Variants in PHLPP1 observed in about 807,000 individuals in gnomAD.
The protein encoded by PHLPP1 is PH domain and leucine rich repeat protein phosphatase 1.
Under a neutral mutation model 117.2 loss-of-function variants are expected in PHLPP1, and 42 were observed. That is an observed-to-expected ratio of 0.36 (90% CI 0.28 to 0.46). The LOEUF is 0.46. Ranked by LOEUF, PHLPP1 falls within the 20% of genes least tolerant of loss-of-function variation. The probability of loss-of-function intolerance (pLI) is 1.00; values close to 1 mark genes in which losing one functional copy is unlikely to be tolerated. For synonymous variants in PHLPP1, 1,042 were observed against 970.7 expected, an observed-to-expected ratio of 1.07 and a Z score of -1.37; for missense variants, 2,084 against 2,241.9, an observed-to-expected ratio of 0.93 and a Z score of 1.42.
At position 62,979,476 on chromosome 18, in the gene PHLPP1, G is replaced by C. The variant is rs1274677075; in HGVS notation, c.*45G>C. 2.0e-6 allele frequency: 3 copies of C among 1,527,988 alleles called. No homozygotes were observed. In the African/African-American group the frequency reaches 4.1e-5, roughly 21 times the overall value. The allele number at this position is 1,527,988 out of a possible 1,614,324, so 94.7% of individuals were successfully genotyped here. On this transcript the variant is annotated 3_prime_UTR_variant, in exon 17 of 17. Coordinates refer to ENST00000262719, the MANE Select transcript of PHLPP1 (RefSeq NM_194449.4). ...AAATAAACTAACCACAAAAGACTGAGTTGCAAGAGTCTCCCAGGCTCACAT... is the reference window on the plus strand; with the variant it reads ...AAATAAACTAACCACAAAAGACTGACTTGCAAGAGTCTCCCAGGCTCACAT...
At chr18:62,833,886 A>T (rs1024140348) in intron 2 of PHLPP1, among the ~76,000 whole-genome samples, 2 of 152,310 alleles carry the variant, frequency 1.3e-5, no homozygotes, top group East Asian at 3.9e-4. Flanking sequence ...GTATGCAAGT[A>T]CCTTTTCTAA....
chr18:62,750,673 A>G (rs1263001176), intron 1 of PHLPP1, among the ~76,000 whole-genome samples: 1 of 149,086 alleles, frequency 6.7e-6, no homozygotes, highest in South Asian at 2.1e-4. Flanking sequence ...GGAAGGAAAC[A>G]CTGTATTCTA....
chr18:62,966,791 A>G (rs909204978), intron 14 of PHLPP1, among the ~76,000 whole-genome samples: 2 of 152,108 alleles, frequency 1.3e-5, no homozygotes, highest in African/African-American at 4.8e-5. Flanking sequence ...TTGGTAAAAG[A>G]ATATCATCAT....
At chr18:62,738,251 G>T (rs968519934) in intron 1 of PHLPP1, among the ~76,000 whole-genome samples, 1 of 152,088 alleles carries the variant, frequency 6.6e-6, no homozygotes, top group African/African-American at 2.4e-5. Flanking sequence ...AGCTGCCCAG[G>T]AGGCTGAAGT....
intron 1 of PHLPP1, among the ~76,000 whole-genome samples, chr18:62,721,474 T>C (rs1910917514): frequency 6.6e-6 from 1 of 151,770 alleles, no homozygotes; most frequent in African/African-American, 2.4e-5. Context: ...GACAGTTCAG[T>C]TGCTTTAAAA....
chr18:62,849,818 A>ATATATATATATATATATAT (rs1915281396), intron 3 of PHLPP1, among the ~76,000 whole-genome samples: 1 of 45,020 alleles, frequency 2.2e-5, no homozygotes, highest in Non-Finnish European at 4.6e-5. Flanking sequence ...AAAAAAAAAA[A>ATATATATATATATATATAT]AAAAAAAAAA....
At chr18:62,869,913 G>A (rs535441083) in intron 4 of PHLPP1, among the ~76,000 whole-genome samples, 2 of 152,166 alleles carry the variant, frequency 1.3e-5, no homozygotes, top group African/African-American at 4.8e-5. Flanking sequence ...TTTAAGACGG[G>A]CTCTTGCTCT....
chr18:62,921,165 C>A (rs373345273), intron 10 of PHLPP1, among the ~76,000 whole-genome samples: 12 of 152,182 alleles, frequency 7.9e-5, no homozygotes, highest in African/African-American at 2.9e-4. Context: ...TCAAGTGTTT[C>A]ATAACCTGAG....
intron 4 of PHLPP1, among the ~76,000 whole-genome samples, chr18:62,881,811 G>A (rs1916180425): frequency 6.6e-6 from 1 of 152,246 alleles, no homozygotes; most frequent in Admixed American, 6.5e-5. Context: ...ACTGTACCAA[G>A]AAACTGAGAA....
intron 10 of PHLPP1, among the ~76,000 whole-genome samples, chr18:62,921,791 C>G (rs142560184): frequency 6.6e-6 from 1 of 152,066 alleles, no homozygotes; most frequent in African/African-American, 2.4e-5. Flanking sequence ...AGTAAAGTGT[C>G]CAACTTTTAA....
intron 3 of PHLPP1, chr18:62,842,820 G>C (rs1450069364): frequency 6.6e-6 from 1 of 152,178 alleles, no homozygotes; most frequent in Non-Finnish European, 1.5e-5. Flanking sequence ...AAAAGAAATG[G>C]GTGAAGGAAC....
chr18:62,915,183 G>T (rs1466618528), intron 9 of PHLPP1, among the ~76,000 whole-genome samples, 175 bp downstream of exon 9: 1 of 152,234 alleles, frequency 6.6e-6, no homozygotes, highest in Non-Finnish European at 1.5e-5. Flanking sequence ...ATGCAGTGCA[G>T]TGAGGAGTAG....
chr18:62,801,937 T>C (rs1452150187), intron 1 of PHLPP1, among the ~76,000 whole-genome samples: 1 of 152,222 alleles, frequency 6.6e-6, no homozygotes, highest in African/African-American at 2.4e-5. Flanking sequence ...TAGGAACACA[T>C]TGGCTTTGTG....
intron 1 of PHLPP1, among the ~76,000 whole-genome samples, chr18:62,746,762 A>G (rs1490682342): frequency 6.6e-6 from 1 of 150,886 alleles, no homozygotes; most frequent in Non-Finnish European, 1.5e-5. Flanking sequence ...TTATTCCTAT[A>G]TATTGTATGT....
intron 1 of PHLPP1, among the ~76,000 whole-genome samples, chr18:62,789,715 G>T (rs1395030625): frequency 6.6e-6 from 1 of 152,058 alleles, no homozygotes; most frequent in Non-Finnish European, 1.5e-5. Flanking sequence ...AATCCCTGAT[G>T]CTGTTTGGAA....
At chr18:62,790,686 G>C (rs746201992) in intron 1 of PHLPP1, among the ~76,000 whole-genome samples, 1 of 152,138 alleles carries the variant, frequency 6.6e-6, no homozygotes. Flanking sequence ...CATGATTCCT[G>C]GTGGTGGCAT....
intron 6 of PHLPP1, among the ~76,000 whole-genome samples, chr18:62,899,232 T>C (rs1916653767): frequency 6.6e-6 from 1 of 152,206 alleles, no homozygotes; most frequent in Non-Finnish European, 1.5e-5. Context: ...CCATAGATAA[T>C]TTAAGCACTG....
rs768391862 is a variant in PHLPP1 at position 62,725,315 on chromosome 18, G to A, written c.1576+8056G>A. Reference sequence around the variant, plus strand: ...GCAGAGGTTGCAGTGAGCCAACATTGCACCACTGCATTCCCGTCTGGGTGG... The same window carrying A: ...GCAGAGGTTGCAGTGAGCCAACATTACACCACTGCATTCCCGTCTGGGTGG... On this transcript the variant is annotated intron_variant, in intron 1 of 16. Transcript: ENST00000262719. Among the ~76,000 whole-genome samples the A allele has an allele frequency of 3.8e-3, 570 of 149,020 alleles. 9 individuals carry two copies. Among genetic ancestry groups the A allele is most frequent in the Non-Finnish European group, 1.3e-3 (85 of 67,656 alleles).
intron 3 of PHLPP1, among the ~76,000 whole-genome samples, chr18:62,846,240 A>G (rs1915180363): frequency 6.6e-6 from 1 of 151,712 alleles, no homozygotes; most frequent in Non-Finnish European, 1.5e-5. Context: ...AAAGATGATA[A>G]TAAATGGAAC....
Sources: allele counts gnomAD v4.1 joint callset (sites outside exome capture counted in the v4.1 genomes callset), GRCh38; gene constraint gnomAD v4.1.1; transcripts MANE v1.5; gene names NCBI Gene and HGNC (gene_info 2026-07-23, HGNC 2026-07-21).